SGCZ: variants seen among roughly 807,000 people sequenced by gnomAD.
SGCZ encodes zeta-sarcoglycan.
SGCZ carries 40 observed loss-of-function variants against 41.3 expected under a neutral mutation model. The observed-to-expected ratio is 0.97, with a 90% CI of 0.75 to 1.26. The LOEUF is 1.26. Ranked by LOEUF, SGCZ falls within the 50% of genes most tolerant of loss-of-function variation. The probability of loss-of-function intolerance (pLI) is 0.00; values close to 1 mark genes in which losing one functional copy is unlikely to be tolerated. For synonymous variants in SGCZ, 206 were observed against 137.5 expected (o/e 1.50, Z -3.49); for missense variants, 552 against 369.8 (o/e 1.49, Z -4.04).
intron 1 of SGCZ, among the ~76,000 whole-genome samples, chr8:14,785,908 G>A (rs1340194379): frequency 1.3e-5 from 2 of 150,158 alleles, no homozygotes; most frequent in Non-Finnish European, 3.0e-5. Flanking sequence ...ACTTGCTTTT[G>A]GTTTTTTTTT....
At chr8:14,102,106 T>TATATATATATAA (rs1491151875) in intron 7 of SGCZ, among the ~76,000 whole-genome samples, 2 of 36,668 alleles carry the variant, frequency 5.5e-5, no homozygotes, top group African/African-American at 2.9e-4. Flanking sequence ...ATATATATAA[T>TATATATATATAA]TTTTTTTTTT....
intron 1 of SGCZ, among the ~76,000 whole-genome samples, chr8:15,217,678 C>A (rs557831105): frequency 3.3e-5 from 5 of 152,160 alleles, no homozygotes; most frequent in Admixed American, 2.0e-4. Context: ...TTCTACTTAG[C>A]ATTTTGAAAT....
intron 4 of SGCZ, among the ~76,000 whole-genome samples, chr8:14,186,841 G>C (rs979431675): frequency 1.3e-5 from 2 of 152,218 alleles, no homozygotes; most frequent in African/African-American, 4.8e-5. Flanking sequence ...CTACAGGGTA[G>C]CTAGTTTAGT....
At chr8:14,818,336 G>A (rs1801968921) in intron 1 of SGCZ, among the ~76,000 whole-genome samples, 1 of 152,058 alleles carries the variant, frequency 6.6e-6, no homozygotes, top group South Asian at 2.1e-4. Context: ...AAACTGTACA[G>A]CCTACCCACT....
At chr8:14,127,386 T>C (rs962122739) in intron 5 of SGCZ, among the ~76,000 whole-genome samples, 3 of 152,156 alleles carry the variant, frequency 2.0e-5, no homozygotes, top group African/African-American at 7.2e-5. Context: ...GCAAAGCATA[T>C]GCCAATATGT....
intron 1 of SGCZ, among the ~76,000 whole-genome samples, chr8:14,896,467 C>CTAT (rs985073417): frequency 7.3e-6 from 1 of 137,440 alleles, no homozygotes; most frequent in African/African-American, 3.2e-5. Context: ...ATTTATTTTA[C>CTAT]TATTATTATC....
At chr8:14,417,657 G>A (rs1464666807) in intron 2 of SGCZ, among the ~76,000 whole-genome samples, 2 of 151,766 alleles carry the variant, frequency 1.3e-5, no homozygotes, top group Non-Finnish European at 2.9e-5. Context: ...ACAGCATGAT[G>A]ACTAGAGTTA....
At chr8:14,151,709 G>T (rs756432980) in intron 5 of SGCZ, among the ~76,000 whole-genome samples, 31 of 151,996 alleles carry the variant, frequency 2.0e-4, no homozygotes, top group African/African-American at 6.3e-4. Flanking sequence ...TAATGTAAAG[G>T]TCTATTATGT....
chr8:15,185,618 C>A (rs1010427124), intron 1 of SGCZ, among the ~76,000 whole-genome samples: 6 of 152,128 alleles, frequency 3.9e-5, no homozygotes, highest in African/African-American at 1.4e-4. Flanking sequence ...AGAAACAGGG[C>A]TACCATCTTG....
intron 3 of SGCZ, among the ~76,000 whole-genome samples, chr8:14,275,078 G>A (rs149405132): frequency 1.1e-3 from 162 of 152,238 alleles, no homozygotes; most frequent in African/African-American, 3.7e-3. Context: ...TAATGTACAT[G>A]TAGGAATACA....
chr8:14,702,413 A>G (rs996692535), intron 1 of SGCZ, among the ~76,000 whole-genome samples: 1 of 151,970 alleles, frequency 6.6e-6, no homozygotes, highest in African/African-American at 2.4e-5. Flanking sequence ...CCTCTTTACT[A>G]TAGTGTATAG....
chr8:15,223,690 T>G (rs1563193292), intron 1 of SGCZ, among the ~76,000 whole-genome samples: 1 of 152,174 alleles, frequency 6.6e-6, no homozygotes, highest in Non-Finnish European at 1.5e-5. Context: ...AGTAGATATA[T>G]AAAACATAGA....
intron 2 of SGCZ, among the ~76,000 whole-genome samples, chr8:14,339,275 G>A (rs1802614678): frequency 6.6e-6 from 1 of 152,070 alleles, no homozygotes; most frequent in African/African-American, 2.4e-5. Context: ...GATCTAATTT[G>A]GTTTACACCT....
chr8:14,426,272 G>C lies in SGCZ; in HGVS notation c.235-102068C>G, dbSNP rs138095527. ...ATCAGATGGCAATAAGTGTTATAAA[G>C]TGAAATAAAACAAGGAGGGTGATTA... On this transcript the variant is annotated intron_variant, in intron 2 of 7. Transcript: ENST00000382080. 1.4e-3 allele frequency among the ~76,000 whole-genome samples: 210 copies of C among 152,196 alleles called. 3 individuals are homozygous for C. Among genetic ancestry groups the C allele is most frequent in the Middle Eastern group, 0.01 (3 of 294 alleles).
rs145096129 is a variant in SGCZ, at chr8:15,027,011, A to G, written c.39+210574T>C. Among the ~76,000 whole-genome samples the G allele has an allele frequency of 1.1e-3, 164 of 152,306 alleles. 1 individual carries two copies. Among genetic ancestry groups the G allele is most frequent in the African/African-American group, 3.8e-3 (159 of 41,586 alleles). ...TGGTTCCACCAATGACAGAATCATG[A>G]ATGAGGGTAATTGTCAATATTATTG... On this transcript the variant is annotated intron_variant, in intron 1 of 7. Transcript: ENST00000382080.
intron 1 of SGCZ, among the ~76,000 whole-genome samples, chr8:14,657,310 AG>A (rs1377141813): frequency 2.0e-5 from 3 of 152,070 alleles, no homozygotes; most frequent in East Asian, 1.9e-4. Flanking sequence ...CAGTGAGAAA[AG>A]GGGGAGGTCA....
At chr8:14,651,242 T>C (rs895551458) in intron 1 of SGCZ, among the ~76,000 whole-genome samples, 3 of 152,040 alleles carry the variant, frequency 2.0e-5, no homozygotes, top group African/African-American at 7.3e-5. Flanking sequence ...AATTTAATCC[T>C]CCTTATGCAA....
Position 14,544,958 on chromosome 8 carries a change from C to T in SGCZ, c.234+9774G>A, listed in dbSNP as rs537079399. ...GCATGTGATCTTTGTACCTACTCCC[C>T]GTTCTTACACCCTCTTCCCTTTTGA... On this transcript the variant is annotated intron_variant, in intron 2 of 7. Transcript: ENST00000382080. Among the ~76,000 whole-genome samples, 8 of 152,028 alleles carry T rather than the reference C, an allele frequency of 5.3e-5. No individual in the cohort carries two copies. In the South Asian group the frequency reaches 6.2e-4, roughly 12 times the overall value.
At chr8:14,304,404 G>A (rs962657921) in intron 3 of SGCZ, among the ~76,000 whole-genome samples, 7 of 152,108 alleles carry the variant, frequency 4.6e-5, no homozygotes, top group African/African-American at 1.4e-4. Context: ...GACCAGCATG[G>A]GCAATACAGT....
Sources: gnomAD v4.1 joint callset for allele counts (sites outside exome capture counted in the v4.1 genomes callset) on GRCh38, gnomAD v4.1.1 for gene constraint, MANE v1.5 for transcripts, NCBI Gene and HGNC (gene_info 2026-07-23, HGNC 2026-07-21) for gene names.